Variants in LRP1B observed in about 807,000 individuals in gnomAD.
The protein encoded by LRP1B is LDL receptor related protein 1B, also known as low-density lipoprotein receptor-related protein 1B.
A neutral mutation model predicts 556.6 loss-of-function variants in LRP1B; 217 were observed. That is an observed-to-expected ratio of 0.39 (90% CI 0.35 to 0.44). The LOEUF (loss-of-function observed/expected upper bound fraction) is 0.44, where lower values mean the gene tolerates loss of function less well. Ranked by LOEUF, LRP1B falls within the 20% of genes least tolerant of loss-of-function variation. The probability of loss-of-function intolerance (pLI) is 1.00; values close to 1 mark genes in which losing one functional copy is unlikely to be tolerated. For missense variants in LRP1B, 5,053 were observed against 5,620.8 expected (o/e 0.90, Z 3.23); for synonymous variants, 2,047 against 1,865.8 (o/e 1.10, Z -2.50).
chr2:141,534,657 G>T (rs1312989317), intron 2 of LRP1B, among the ~76,000 whole-genome samples: 1 of 152,120 alleles, frequency 6.6e-6, no homozygotes, highest in African/African-American at 2.4e-5. Context: ...TGTACTTGCT[G>T]CCTATTTCGT....
At chr2:140,388,541 T>A (rs1309699446) in intron 66 of LRP1B, among the ~76,000 whole-genome samples, 1 of 152,198 alleles carries the variant, frequency 6.6e-6, no homozygotes, top group Non-Finnish European at 1.5e-5. Context: ...TTGCTAAAAT[T>A]TCCTTTTGGG....
intron 2 of LRP1B, among the ~76,000 whole-genome samples, chr2:141,796,913 T>C (rs979850037): frequency 2.0e-5 from 3 of 151,554 alleles, no homozygotes; most frequent in Non-Finnish European, 4.4e-5. Flanking sequence ...ACCAATTAAA[T>C]ATATACACAA....
At chr2:140,742,509 G>T (rs1158663570) in intron 35 of LRP1B, among the ~76,000 whole-genome samples, 1 of 152,084 alleles carries the variant, frequency 6.6e-6, no homozygotes, top group East Asian at 1.9e-4. Flanking sequence ...CAGACGACGA[G>T]AAGGAAACAA....
chr2:140,737,341 A>T (rs1163603266), intron 35 of LRP1B, among the ~76,000 whole-genome samples: 1 of 152,214 alleles, frequency 6.6e-6, no homozygotes, highest in African/African-American at 2.4e-5. Flanking sequence ...TACTGGACAC[A>T]GTGTCTGAAT....
chr2:141,576,460 A>G (rs1418005622), intron 2 of LRP1B, among the ~76,000 whole-genome samples: 1 of 152,040 alleles, frequency 6.6e-6, no homozygotes, highest in Non-Finnish European at 1.5e-5. Context: ...GGAGCGGGGG[A>G]TGAGGGGAGG....
chr2:141,745,919 G>T (rs1260305410), intron 2 of LRP1B, among the ~76,000 whole-genome samples: 1 of 151,134 alleles, frequency 6.6e-6, no homozygotes, highest in Admixed American at 6.6e-5. Flanking sequence ...CAAGGACTGG[G>T]TCCTTTCCTT....
chr2:141,928,461 T>C (rs965023665), intron 1 of LRP1B, among the ~76,000 whole-genome samples: 1 of 152,178 alleles, frequency 6.6e-6, no homozygotes, highest in Admixed American at 6.6e-5. Context: ...AAACAACAAC[T>C]GTCATTGGCT....
At chr2:140,573,671 A>T (rs1681412926) in intron 43 of LRP1B, among the ~76,000 whole-genome samples, 1 of 152,052 alleles carries the variant, frequency 6.6e-6, no homozygotes, top group African/African-American at 2.4e-5. Flanking sequence ...GAAAAAAGTT[A>T]TCTTTAAGAA....
intron 1 of LRP1B, among the ~76,000 whole-genome samples, chr2:141,827,575 C>T (rs954043134): frequency 6.6e-6 from 1 of 152,026 alleles, no homozygotes; most frequent in Non-Finnish European, 1.5e-5. Context: ...ACTACTCCTT[C>T]AACAGATGGT....
chr2:141,763,707 G>C (rs1329756907), intron 2 of LRP1B, among the ~76,000 whole-genome samples: 1 of 152,080 alleles, frequency 6.6e-6, no homozygotes, highest in Non-Finnish European at 1.5e-5. Flanking sequence ...ATATCTTAAA[G>C]AAATAGTCAG....
chr2:140,533,611 A>G (rs1172032596), intron 47 of LRP1B, among the ~76,000 whole-genome samples: 1 of 152,152 alleles, frequency 6.6e-6, no homozygotes, highest in Non-Finnish European at 1.5e-5. Flanking sequence ...TGATGACTGG[A>G]TATGTGGGAA....
chr2:141,360,530 TTC>T (rs1232402062), intron 3 of LRP1B, among the ~76,000 whole-genome samples: 19 of 152,250 alleles, frequency 1.2e-4, no homozygotes, highest in African/African-American at 4.6e-4. Flanking sequence ...TTTACTTTTG[TTC>T]TTTCTTTTTA....
chr2:141,966,666 G>T (rs534286365), intron 1 of LRP1B, among the ~76,000 whole-genome samples: 7 of 151,016 alleles, frequency 4.6e-5, no homozygotes, highest in South Asian at 2.1e-4. Context: ...GGGGCTGCTG[G>T]TACCCTTATT....
intron 63 of LRP1B, among the ~76,000 whole-genome samples, chr2:140,449,033 G>C (rs1415889070): frequency 1.3e-5 from 2 of 151,938 alleles, no homozygotes; most frequent in Non-Finnish European, 2.9e-5. Context: ...GGAGTTAAAT[G>C]GAAAAACTCC....
intron 35 of LRP1B, among the ~76,000 whole-genome samples, chr2:140,731,564 T>C (rs1462033111): frequency 6.6e-6 from 1 of 151,882 alleles, no homozygotes; most frequent in Non-Finnish European, 1.5e-5. Flanking sequence ...GGTCAAGAGA[T>C]CGAGACCATC....
At chr2:141,415,038 G>A (rs540262364) in intron 3 of LRP1B, among the ~76,000 whole-genome samples, 50 of 152,070 alleles carry the variant, frequency 3.3e-4, no homozygotes, top group Non-Finnish European at 6.5e-4. Flanking sequence ...GTTTTGAGAC[G>A]GAGTCTTGCT....
At chr2:140,238,885 G>A (rs1293301139) in intron 88 of LRP1B, among the ~76,000 whole-genome samples, 1 of 150,772 alleles carries the variant, frequency 6.6e-6, no homozygotes, top group Non-Finnish European at 1.5e-5. Context: ...CTCTATGTCA[G>A]TAATAATGGA....
intron 79 of LRP1B, among the ~76,000 whole-genome samples, chr2:140,326,868 A>T (rs907879057): frequency 6.6e-6 from 1 of 152,090 alleles, no homozygotes; most frequent in Non-Finnish European, 1.5e-5. Flanking sequence ...ATATTTTTCT[A>T]CTTTTTTAGT....
intron 35 of LRP1B, among the ~76,000 whole-genome samples, chr2:140,728,031 GTACAA>G (rs1197575060): frequency 1.3e-5 from 2 of 151,620 alleles, no homozygotes; most frequent in Non-Finnish European, 2.9e-5. Flanking sequence ...TCCCTTTCAG[GTACAA>G]TGTTATGAAA....
Sources: gnomAD v4.1 joint callset for allele counts (sites outside exome capture counted in the v4.1 genomes callset) on GRCh38, gnomAD v4.1.1 for gene constraint, MANE v1.5 for transcripts, NCBI Gene and HGNC (gene_info 2026-07-23, HGNC 2026-07-21) for gene names.